XAF1: variants seen among roughly 807,000 people sequenced by gnomAD.
XAF1 encodes XIAP-associated factor 1.
Under a neutral mutation model 32.3 loss-of-function variants are expected in XAF1, and 32 were observed. The observed-to-expected ratio is 0.99, with a 90% confidence interval of 0.75 to 1.33. The LOEUF (loss-of-function observed/expected upper bound fraction) is 1.33. XAF1 is among the 40% of genes most tolerant of loss of function. XAF1 has a pLI of 0.00. For synonymous variants in XAF1, 120 were observed against 125.9 expected, an observed-to-expected ratio of 0.95 and a Z score of 0.31; for missense variants, 379 against 366.0, an observed-to-expected ratio of 1.04 and a Z score of -0.29.
intron 4 of XAF1, chr17:6,761,725 C>A: frequency 2.8e-6 from 2 of 724,110 alleles, no homozygotes; most frequent in Non-Finnish European, 3.8e-6. Flanking sequence ...TTCAGTGCAA[C>A]ACAACACAAC....
chr17:6,772,926 T>A (rs759537711), intron 6 of XAF1, 187 bp from the exon 7 acceptor site: 4 of 524,730 alleles, frequency 7.6e-6, no homozygotes, highest in African/African-American at 2.0e-5. Flanking sequence ...CAGGCCCCTG[T>A]TAAACTTTGT....
At position 6,770,732 on chromosome 17, in the gene XAF1, T is replaced by G; in HGVS notation, c.597T>G (p.Ala199=). 1 of 1,614,044 alleles carries G rather than the reference T, an allele frequency of 6.2e-7. No individual in the cohort carries two copies. The highest frequency in any genetic ancestry group is 8.5e-7 in the Non-Finnish European group (1 of 1,180,010). The change falls in exon 6 of 7, where the codon GCT becomes GCG. Residue 199 remains alanine (A), a synonymous_variant. Transcript: ENST00000361842. ...CTTCATCTCTTCCAAGTCAAGCTGC[T>G]GAAAATCAAACTTCCACGATGGAGA... is the stretch of plus-strand genomic sequence containing the variant. The part of the protein sequence containing the change: ...ILPSSLPSQA[A]ENQTSTMEKD...
At position 6,773,405 on chromosome 17, in the gene XAF1, C is replaced by G; in HGVS notation, c.*236C>G. The G allele has an allele frequency of 2.3e-6, 1 of 434,120 alleles. No individual in the cohort carries two copies. The highest frequency in any genetic ancestry group is 4.1e-6 in the Non-Finnish European group (1 of 246,314). The allele number at this position is 434,120 out of a possible 1,614,324, so 26.9% of individuals were successfully genotyped here. On this transcript the variant is annotated 3_prime_UTR_variant, in exon 7 of 7. Transcript: ENST00000361842. ...TAAAAACCCTCAACAAACCAGGCGT[C>G]GAAGGAACATACCTCAAAATAATAA...
chr17:6,767,984 T>C (rs148639867), intron 5 of XAF1, among the ~76,000 whole-genome samples: 2 of 152,350 alleles, frequency 1.3e-5, no homozygotes, highest in South Asian at 2.1e-4. Flanking sequence ...ACTGTAACTA[T>C]CTTACATGAA....
rs1245751333 is a variant in XAF1 at position 6,775,097 on chromosome 17, A to G, written c.*1928A>G. On this transcript the variant is annotated 3_prime_UTR_variant, in exon 7 of 7. Transcript: ENST00000361842. ...ACACCATGGAATACTATGCAGCCAT[A>G]AAAAAGAATGGGATCATGTCCTGTG... 1 of 152,210 alleles carries G rather than the reference A, an allele frequency of 6.6e-6. No homozygotes were observed. The highest frequency in any genetic ancestry group is 1.5e-5 in the Non-Finnish European group (1 of 68,050). The allele number at this position is 152,210 out of a possible 1,614,324, so 9.4% of individuals were successfully genotyped here.
In XAF1 at chr17:6,773,808, C is replaced by T. The variant is rs1391279988; in HGVS notation, c.*639C>T. On this transcript the variant is annotated 3_prime_UTR_variant, in exon 7 of 7. Coordinates refer to ENST00000361842, the MANE Select transcript of XAF1 (RefSeq NM_017523.5). Reference sequence around the variant, plus strand: ...AATGCAATCCTATTCACAATTGCCACAAAAAGAATAAAATACCTAGGAATA... The same window carrying T: ...AATGCAATCCTATTCACAATTGCCATAAAAAGAATAAAATACCTAGGAATA... 1.3e-5 allele frequency: 2 copies of T among 151,950 alleles called. No individual in the cohort carries two copies. Among genetic ancestry groups the T allele is most frequent in the Admixed American group, 1.3e-4 (2 of 15,248 alleles). 9.4% of individuals were successfully genotyped at this position (151,950 alleles called of 1,614,324 possible).
rs1976221544 is a variant in XAF1, at chr17:6,773,650, C to T, written c.*481C>T. The T allele has an allele frequency of 6.6e-6, 1 of 152,284 alleles. No individual in the cohort carries two copies. The highest frequency in any genetic ancestry group is 2.4e-5 in the African/African-American group (1 of 41,440). 9.4% of individuals were successfully genotyped at this position (152,284 alleles called of 1,614,324 possible). A position where few individuals can be genotyped will look rare whatever the true frequency, so the allele number is the denominator to read the frequency against. On this transcript the variant is annotated 3_prime_UTR_variant, in exon 7 of 7. Coordinates refer to ENST00000361842, the MANE Select transcript of XAF1 (RefSeq NM_017523.5). ...ACGATATGATTCTATATCTAGAAAA[C>T]CCCATGATCTTGGCCCAAAAGCTCC...
Position 6,760,445 on chromosome 17 carries a change from TG to T in XAF1, c.266del (p.Cys89SerfsTer71), listed in dbSNP as rs1370818961. On this transcript the variant is annotated frameshift_variant, in exon 4 of 7. Transcript: ENST00000361842. LOFTEE classifies it high-confidence loss of function. Reference protein sequence around the residue: ...CQERPVECKFCKLDMQLSKLE... With the variant: ...CQERPVECKFXKLDMQLSKLE... ...GGAGCGCCCTGTTGAGTGTAAGTTC[TG>T]CAAACTGGACATGCAGCTCAGCAAG... 2.5e-6 allele frequency: 4 copies of T among 1,612,996 alleles called. No individual in the cohort carries two copies. The Admixed American group carries it at 6.7e-5, about 27-fold the overall frequency.
chr17:6,768,556 T>A (rs1427889559), intron 5 of XAF1, among the ~76,000 whole-genome samples: 1 of 152,218 alleles, frequency 6.6e-6, no homozygotes, highest in Non-Finnish European at 1.5e-5. Flanking sequence ...GAGTAGTAAA[T>A]CTTTAGTTGC....
chr17:6,768,678 T>C (rs747637733), intron 5 of XAF1, among the ~76,000 whole-genome samples: 10 of 152,250 alleles, frequency 6.6e-5, no homozygotes, highest in Non-Finnish European at 1.5e-4. Context: ...TCCACTGCCA[T>C]CCCACTTCTG....
intron 2 of XAF1, chr17:6,759,383 G>T: frequency 1.5e-6 from 2 of 1,361,210 alleles, no homozygotes; most frequent in Non-Finnish European, 1.9e-6. Context: ...CCTGTTTCCC[G>T]CCTTTCCATG....
At chr17:6,767,456 G>A (rs1418406256) in intron 5 of XAF1, among the ~76,000 whole-genome samples, 1 of 152,146 alleles carries the variant, frequency 6.6e-6, no homozygotes, top group African/African-American at 2.4e-5. Flanking sequence ...TAATAGAAGT[G>A]GGTATGCAGT....
chr17:6,760,273 G>A (rs1005146169), intron 3 of XAF1, 133 bp from the exon 4 acceptor site: 46 of 844,094 alleles, frequency 5.4e-5, no homozygotes, highest in East Asian at 5.2e-4. Flanking sequence ...GCTTGAACCC[G>A]GGAGGCGGAG....
intron 4 of XAF1, 146 bp from the exon 5 acceptor site, chr17:6,762,009 T>A: frequency 6.5e-7 from 1 of 1,539,988 alleles, no homozygotes; most frequent in Non-Finnish European, 8.7e-7. Flanking sequence ...TGGTCAAGGA[T>A]GCCGGCAGCG....
chr17:6,769,332 G>A (rs1344973540), intron 5 of XAF1, among the ~76,000 whole-genome samples: 1 of 151,858 alleles, frequency 6.6e-6, no homozygotes, highest in Non-Finnish European at 1.5e-5. Flanking sequence ...TGATTGATAT[G>A]TTAATTAACT....
upstream of XAF1, chr17:6,756,007 C>A: frequency 6.2e-7 from 1 of 1,611,786 alleles, no homozygotes; most frequent in South Asian, 1.1e-5. Flanking sequence ...GCTGGGCCAT[C>A]GGAAAACTTT....
At chr17:6,771,761 A>G (rs763160609) in intron 6 of XAF1, 9 of 152,190 alleles carry the variant, frequency 5.9e-5, no homozygotes, top group Non-Finnish European at 1.0e-4. Context: ...TTCAAAATAC[A>G]TAAGTACTAG....
upstream of XAF1, chr17:6,755,871 G>C: frequency 7.2e-7 from 1 of 1,388,836 alleles, no homozygotes; most frequent in Non-Finnish European, 9.3e-7. Context: ...AAAGAATGAC[G>C]GCCAAGGGCG....
chr17:6,770,373 G>A (rs1297870605), intron 5 of XAF1, among the ~76,000 whole-genome samples: 1 of 152,090 alleles, frequency 6.6e-6, no homozygotes, highest in Non-Finnish European at 1.5e-5. Flanking sequence ...ACCCCCGAAG[G>A]CCCCACCTCT....
Sources: gnomAD v4.1 joint callset for allele counts (sites outside exome capture counted in the v4.1 genomes callset) on GRCh38, gnomAD v4.1.1 for gene constraint, MANE v1.5 for transcripts, NCBI Gene and HGNC (gene_info 2026-07-23, HGNC 2026-07-21) for gene names.